Variants in DNAH3 observed in about 807,000 individuals in gnomAD.
The protein encoded by DNAH3 is axonemal beta dynein heavy chain 3.
A neutral mutation model predicts 432.5 loss-of-function variants in DNAH3; 332 were observed. That is an observed-to-expected ratio of 0.77 (90% CI 0.70 to 0.84). The LOEUF (loss-of-function observed/expected upper bound fraction) is 0.84, where lower values mean the gene tolerates loss of function less well. Among genes scored for constraint, DNAH3 ranks in the 40% least tolerant of loss-of-function variants. The pLI is 0.00. For synonymous variants in DNAH3, 1,956 were observed against 1,900.2 expected, an observed-to-expected ratio of 1.03 and a Z score of -0.76; for missense variants, 4,861 against 5,114.0, an observed-to-expected ratio of 0.95 and a Z score of 1.51.
intron 39 of DNAH3, among the ~76,000 whole-genome samples, chr16:21,024,065 T>A (rs1372795574): frequency 1.3e-5 from 2 of 151,998 alleles, no homozygotes; most frequent in Non-Finnish European, 2.9e-5. Flanking sequence ...TGTGGTCAGG[T>A]ACCCGCCTAA....
chr16:21,152,992 G>C (rs572537582), intron 1 of DNAH3, among the ~76,000 whole-genome samples: 2 of 152,178 alleles, frequency 1.3e-5, no homozygotes, highest in South Asian at 2.1e-4. Context: ...GGCCCACGGC[G>C]CGGGACTGGC....
intron 41 of DNAH3, among the ~76,000 whole-genome samples, chr16:21,005,183 TTCTC>T (rs201866647): frequency 6.6e-6 from 1 of 151,326 alleles, no homozygotes; most frequent in Admixed American, 6.6e-5. Context: ...TTCTTTTTCT[TTCTC>T]TTTCTCTCTC....
chr16:21,060,264 C>T (rs757363597), exon 26 of DNAH3: 10 of 1,612,992 alleles, frequency 6.2e-6, no homozygotes, highest in Middle Eastern at 1.6e-4. Context: ...TCTTGTTTAC[C>T]TTGACATATG....
intron 1 of DNAH3, 54 bp downstream of exon 2, chr16:21,150,236 A>G (rs2092836664): frequency 5.2e-6 from 2 of 385,454 alleles, no homozygotes; most frequent in African/African-American, 4.5e-5. Context: ...CAAAATAAAA[A>G]ATAAAAAAAA....
At chr16:20,948,399 C>A in intron 57 of DNAH3, 84 bp downstream of exon 57, 1 of 1,423,444 alleles carries the variant, frequency 7.0e-7, no homozygotes, top group Non-Finnish European at 9.5e-7. Flanking sequence ...CCTGGGATCC[C>A]TGGCTACACT....
At chr16:20,963,388 A>C (rs765060048) in exon 53 of DNAH3, 34 of 1,614,050 alleles carry the variant, frequency 2.1e-5, no homozygotes, top group Non-Finnish European at 1.6e-5. Flanking sequence ...TTCGATATAC[A>C]GCTTTCCCAT....
intron 41 of DNAH3, among the ~76,000 whole-genome samples, chr16:21,013,692 C>T (rs554021349): frequency 3.0e-5 from 4 of 131,336 alleles, no homozygotes; most frequent in African/African-American, 1.1e-4. Context: ...GCACTCCAGC[C>T]TGGGCAACAA....
At chr16:20,933,316 G>A (rs1352939892) in exon 62 of DNAH3, 3 of 1,614,042 alleles carry the variant, frequency 1.9e-6, no homozygotes, top group African/African-American at 1.3e-5. Context: ...ACACATAGAT[G>A]TCCTGATGCA....
chr16:21,087,208 C>T, intron 18 of DNAH3, 148 bp from the exon 19 acceptor site: 1 of 675,532 alleles, frequency 1.5e-6, no homozygotes, highest in Non-Finnish European at 2.6e-6. Context: ...TGCACTTAGC[C>T]AGTGGAACCT....
intron 28 of DNAH3, among the ~76,000 whole-genome samples, chr16:21,052,426 G>A (rs764985605): frequency 2.0e-5 from 3 of 152,318 alleles, no homozygotes; most frequent in Admixed American, 6.5e-5. Context: ...CAGACAGCAC[G>A]GCAGAGGTAT....
chr16:21,093,556 G>C (rs767495391), intron 18 of DNAH3, among the ~76,000 whole-genome samples: 1 of 152,160 alleles, frequency 6.6e-6, no homozygotes, highest in East Asian at 1.9e-4. Context: ...GAGTTTTTTG[G>C]TATGTATAGA....
chr16:21,127,586 G>C, intron 8 of DNAH3, 101 bp downstream of exon 9: 1 of 1,371,298 alleles, frequency 7.3e-7, no homozygotes, highest in Non-Finnish European at 9.9e-7. Context: ...ACGAAAGGAT[G>C]CCAGTGGGAC....
intron 61 of DNAH3, 131 bp downstream of exon 61, chr16:20,935,217 A>C (rs1239842358): frequency 8.5e-6 from 9 of 1,062,502 alleles, no homozygotes; most frequent in African/African-American, 1.6e-5. Flanking sequence ...AATTATGCTA[A>C]ATGCTTCATA....
Position 20,985,716 on chromosome 16 carries a change from C to CA in DNAH3, c.7027-2_7027-1insT. On this transcript the variant is annotated splice_acceptor_variant, in intron 47 of 61. Transcript: ENST00000261383. LOFTEE classifies it high-confidence loss of function. ...CAGTGGGTGACAAGTGGATAAGCAC[C>CA]TGTAAGAAAAGTAAATCTCGGCGGG... The CA allele has an allele frequency of 6.2e-7, 1 of 1,610,214 alleles. No individual in the cohort carries two copies. Among genetic ancestry groups the CA allele is most frequent in the Non-Finnish European group, 8.5e-7 (1 of 1,177,058 alleles).
At chr16:20,943,845 A>G (rs1018099752) in intron 58 of DNAH3, among the ~76,000 whole-genome samples, 1 of 152,136 alleles carries the variant, frequency 6.6e-6, no homozygotes, top group Non-Finnish European at 1.5e-5. Context: ...TTAGCTGGGC[A>G]TGGTGGCATG....
exon 41 of DNAH3, chr16:21,019,657 T>C (rs1288669831): frequency 6.2e-7 from 1 of 1,614,166 alleles, no homozygotes; most frequent in East Asian, 2.2e-5. Flanking sequence ...TTGGTGAGTT[T>C]GACGCTTTTG....
chr16:21,067,188 A>G lies in DNAH3; in HGVS notation c.3518+95T>C, dbSNP rs925647589. On this transcript the variant is annotated intron_variant, in intron 24 of 61. Coordinates refer to ENST00000261383, the Ensembl canonical transcript of DNAH3. ...GGAAAACCAGGAAAGAGTATGGACT[A>G]GATTGGTTGAAGCCAACTCTTGGCA... 3 of 1,343,326 alleles carry G rather than the reference A, an allele frequency of 2.2e-6. No homozygotes were observed. In the African/African-American group the frequency reaches 4.3e-5, roughly 19 times the overall value. 83.2% of individuals were successfully genotyped at this position (1,343,326 alleles called of 1,614,324 possible).
chr16:21,037,957 G>T (rs1038070234), exon 34 of DNAH3: 5 of 1,614,110 alleles, frequency 3.1e-6, no homozygotes, highest in African/African-American at 1.3e-5. Context: ...CAGGCGGTAG[G>T]TCGCAACGAT....
At chr16:21,099,596 C>T (rs2091784873) in intron 16 of DNAH3, among the ~76,000 whole-genome samples, 1 of 152,272 alleles carries the variant, frequency 6.6e-6, no homozygotes, top group East Asian at 1.9e-4. Flanking sequence ...AAATTCCCAC[C>T]TTGCCACTTA....
Sources: gnomAD v4.1 joint callset for allele counts (sites outside exome capture counted in the v4.1 genomes callset) on GRCh38, gnomAD v4.1.1 for gene constraint, MANE v1.5 for transcripts, NCBI Gene and HGNC (gene_info 2026-07-23, HGNC 2026-07-21) for gene names.